MCHR2: variants seen among roughly 807,000 people sequenced by gnomAD.
MCHR2 encodes melanin concentrating hormone receptor 2, also known as melanin-concentrating hormone receptor 2.
A neutral mutation model predicts 24.8 loss-of-function variants in MCHR2; 15 were observed. The observed-to-expected ratio is 0.60, with a 90% confidence interval of 0.40 to 0.93. The LOEUF (loss-of-function observed/expected upper bound fraction) is 0.93. MCHR2 is among the 40% of genes least tolerant of loss of function. MCHR2 has a pLI of 0.00. For missense variants in MCHR2, 386 were observed against 408.7 expected (o/e 0.94, Z 0.48); for synonymous variants, 151 against 147.6 (o/e 1.02, Z -0.17).
rs1322023255 is a variant in MCHR2 at position 99,970,412 on chromosome 6, T to G, written c.-27-14238A>C. Reference sequence around the variant, plus strand: ...GCCCACTTTTTGATGGGGTTGTTTGTTTTTTTCTTGTAAATTTGTTTTGAG... The same window carrying G: ...GCCCACTTTTTGATGGGGTTGTTTGGTTTTTTCTTGTAAATTTGTTTTGAG... On this transcript the variant is annotated intron_variant, in intron 1 of 5. Coordinates refer to ENST00000281806, the MANE Select transcript of MCHR2 (RefSeq NM_001040179.2). Among the ~76,000 whole-genome samples, 5 of 152,162 alleles carry G rather than the reference T, an allele frequency of 3.3e-5. No individual in the cohort carries two copies. The East Asian group carries it at 7.7e-4, about 23-fold the overall frequency.
At chr6:99,931,683 C>G (rs1040782382) in intron 5 of MCHR2, among the ~76,000 whole-genome samples, 1 of 152,134 alleles carries the variant, frequency 6.6e-6, no homozygotes, top group African/African-American at 2.4e-5. Flanking sequence ...CTCCTAAGCC[C>G]GTCGGAAAAG....
In MCHR2 at chr6:99,974,265, A is replaced by T. The variant is rs576176407; in HGVS notation, c.-27-18091T>A. ...TTGGAAGCTTTGTTTGTTTCTTTTT[A>T]TTCTTTTTTCTCCAAACTTCCCTTC... On this transcript the variant is annotated intron_variant, in intron 1 of 5. Transcript: ENST00000281806. Among the ~76,000 whole-genome samples the T allele has an allele frequency of 2.0e-3, 275 of 137,030 alleles. 1 individual carries two copies. The highest frequency in any genetic ancestry group is 6.6e-3 in the African/African-American group (263 of 40,096). The allele number at this position is 137,030 out of a possible 152,430, so 89.9% of individuals were successfully genotyped here. A position where few individuals can be genotyped will look rare whatever the true frequency, so the allele number is the denominator to read the frequency against.
At chr6:99,960,227 G>T (rs117030969) in intron 1 of MCHR2, among the ~76,000 whole-genome samples, 2,886 of 152,082 alleles carry the variant, frequency 0.019, 32 homozygotes, top group Middle Eastern at 0.048. Context: ...AGAATACTAT[G>T]TCCAGCAAAA....
intron 1 of MCHR2, among the ~76,000 whole-genome samples, chr6:99,973,124 C>G (rs996208876): frequency 1.2e-4 from 18 of 151,744 alleles, no homozygotes; most frequent in Middle Eastern, 6.8e-3. Context: ...TCCTTGTTGA[C>G]TTTCTGTCTC....
intron 1 of MCHR2, among the ~76,000 whole-genome samples, chr6:99,969,623 T>A (rs1009862422): frequency 2.6e-5 from 4 of 151,822 alleles, no homozygotes; most frequent in East Asian, 3.9e-4. Flanking sequence ...AATGTGCAGG[T>A]CTGTTACATA....
At chr6:99,942,542 G>A (rs1470659279) in intron 4 of MCHR2, among the ~76,000 whole-genome samples, 1 of 152,136 alleles carries the variant, frequency 6.6e-6, no homozygotes, top group Admixed American at 6.6e-5. Context: ...TCACAGGTAT[G>A]GGGAGCTGGT....
At chr6:99,960,562 T>C (rs1232721402) in intron 1 of MCHR2, among the ~76,000 whole-genome samples, 5 of 152,100 alleles carry the variant, frequency 3.3e-5, no homozygotes, top group African/African-American at 1.2e-4. Flanking sequence ...AGAGGCATCA[T>C]GCTACCTGAC....
chr6:99,934,555 C>A (rs768797115), intron 4 of MCHR2, 38 bp from the exon 5 acceptor site: 14 of 1,507,072 alleles, frequency 9.3e-6, no homozygotes, highest in African/African-American at 4.3e-5. Flanking sequence ...AGAGAAAGAA[C>A]AACACCATTA....
At chr6:99,934,320 G>A (rs1309481280) in intron 5 of MCHR2, 78 bp downstream of exon 5, 1 of 1,347,142 alleles carries the variant, frequency 7.4e-7, no homozygotes, top group African/African-American at 1.5e-5. Flanking sequence ...TCAAGTCACT[G>A]TTGCCTAAGT....
chr6:99,927,131 A>C (rs1774381840), intron 5 of MCHR2, among the ~76,000 whole-genome samples: 1 of 152,136 alleles, frequency 6.6e-6, no homozygotes, highest in African/African-American at 2.4e-5. Flanking sequence ...GGTTTGTCAA[A>C]GATCAGATAG....
At chr6:99,928,443 T>C (rs943873933) in intron 5 of MCHR2, among the ~76,000 whole-genome samples, 8 of 152,134 alleles carry the variant, frequency 5.3e-5, no homozygotes, top group Non-Finnish European at 1.0e-4. Context: ...TCTGGTAGAA[T>C]TCGGCTGTGA....
intron 1 of MCHR2, among the ~76,000 whole-genome samples, chr6:99,972,733 A>G (rs894967879): frequency 6.6e-6 from 1 of 151,674 alleles, no homozygotes; most frequent in Non-Finnish European, 1.5e-5. Context: ...ACTGCTTTGA[A>G]TGTGTCCCAG....
rs185971393 is a variant in MCHR2, at chr6:99,934,605, G to A, written c.588-88C>T. 6 of 1,196,764 alleles carry A rather than the reference G, an allele frequency of 5.0e-6. No individual in the cohort carries two copies. In the Admixed American group the frequency reaches 1.0e-4, roughly 20 times the overall value. The allele number at this position is 1,196,764 out of a possible 1,614,324, so 74.1% of individuals were successfully genotyped here. A position where few individuals can be genotyped will look rare whatever the true frequency, so the allele number is the denominator to read the frequency against. ...GGAATTGGCTTTTGCAGTTTCCGAG[G>A]CATAATTCTTTCATTTTTCAGGGTC... On this transcript the variant is annotated intron_variant, in intron 4 of 5. Coordinates refer to ENST00000281806, the MANE Select transcript of MCHR2 (RefSeq NM_001040179.2).
chr6:99,973,241 G>A (rs1276554603), intron 1 of MCHR2, among the ~76,000 whole-genome samples: 1 of 151,740 alleles, frequency 6.6e-6, no homozygotes, highest in Non-Finnish European at 1.5e-5. Flanking sequence ...ATGAATCTGG[G>A]TGCTCCTGTA....
chr6:99,970,387 G>A (rs1775383405), intron 1 of MCHR2, among the ~76,000 whole-genome samples: 2 of 152,044 alleles, frequency 1.3e-5, no homozygotes, highest in African/African-American at 2.4e-5. Flanking sequence ...CATATCCTTT[G>A]CCCACTTTTT....
chr6:99,943,457 G>T (rs1774816599), intron 3 of MCHR2, among the ~76,000 whole-genome samples: 1 of 151,296 alleles, frequency 6.6e-6, no homozygotes, highest in African/African-American at 2.4e-5. Flanking sequence ...TTAGCATTAG[G>T]TATATCTCCT....
chr6:99,978,420 G>GTTTT (rs3996890), intron 1 of MCHR2, among the ~76,000 whole-genome samples: 3,216 of 104,040 alleles, frequency 0.031, 267 homozygotes, highest in African/African-American at 0.051. Context: ...GGTCAAGACA[G>GTTTT]TTTTTTTTTT....
chr6:99,970,667 T>A (rs1179968571), intron 1 of MCHR2, among the ~76,000 whole-genome samples: 1 of 152,160 alleles, frequency 6.6e-6, no homozygotes, highest in Non-Finnish European at 1.5e-5. Flanking sequence ...ATTGCCTAGG[T>A]TTTCTTCTAG....
chr6:99,957,266 T>A (rs1775082597), intron 1 of MCHR2, among the ~76,000 whole-genome samples: 1 of 152,124 alleles, frequency 6.6e-6, no homozygotes, highest in Non-Finnish European at 1.5e-5. Context: ...CATAATTAAG[T>A]GTATTTTATC....
Sources: allele counts gnomAD v4.1 joint callset (sites outside exome capture counted in the v4.1 genomes callset), GRCh38; gene constraint gnomAD v4.1.1; transcripts MANE v1.5; gene names NCBI Gene and HGNC (gene_info 2026-07-23, HGNC 2026-07-21).